Variants in TTYH2 observed in about 807,000 individuals in gnomAD.
TTYH2 encodes protein tweety homolog 2.
A neutral mutation model predicts 68.3 loss-of-function variants in TTYH2; 49 were observed. The ratio of observed to expected loss-of-function variants is 0.72; its 90% confidence interval spans 0.57 to 0.91. The LOEUF (loss-of-function observed/expected upper bound fraction) is 0.91, where lower values mean the gene tolerates loss of function less well. TTYH2 is among the 40% of genes least tolerant of loss of function. The probability of loss-of-function intolerance (pLI) is 0.00; values close to 1 mark genes in which losing one functional copy is unlikely to be tolerated. For synonymous variants in TTYH2, 272 were observed against 300.8 expected (o/e 0.90, Z 0.99); for missense variants, 631 against 700.4 (o/e 0.90, Z 1.12).
chr17:74,227,540 T>A (rs550777534), intron 2 of TTYH2, among the ~76,000 whole-genome samples: 1 of 152,212 alleles, frequency 6.6e-6, no homozygotes, highest in Non-Finnish European at 1.5e-5. Flanking sequence ...ATTTAATGTA[T>A]AAATATCTCA....
chr17:74,225,545 A>G (rs562411200), intron 2 of TTYH2, among the ~76,000 whole-genome samples: 2 of 152,298 alleles, frequency 1.3e-5, no homozygotes, highest in African/African-American at 4.8e-5. Context: ...AGAAGTGGCC[A>G]CCGGGTGACC....
intron 10 of TTYH2, among the ~76,000 whole-genome samples, chr17:74,251,649 G>T (rs562910176): frequency 7.2e-6 from 1 of 139,606 alleles, no homozygotes; most frequent in South Asian, 2.3e-4. Context: ...AGCAGACAGT[G>T]GCCTCTTCCC....
At chr17:74,233,033 A>G (rs2050405988) in intron 3 of TTYH2, among the ~76,000 whole-genome samples, 1 of 152,168 alleles carries the variant, frequency 6.6e-6, no homozygotes, top group South Asian at 2.1e-4. Context: ...GTGTTCCCAA[A>G]GAGAAGGGTT....
intron 2 of TTYH2, among the ~76,000 whole-genome samples, chr17:74,225,682 AGCCT>A (rs2050322590): frequency 6.6e-6 from 1 of 152,296 alleles, no homozygotes; most frequent in East Asian, 1.9e-4. Context: ...GGAGCCACAC[AGCCT>A]GCCTATCAGC....
chr17:74,253,741 T>A lies in TTYH2; in HGVS notation c.1446-14T>A, dbSNP rs760290203. 6.2e-7 allele frequency: 1 copy of A among 1,613,876 alleles called. No individual in the cohort carries two copies. Among genetic ancestry groups the A allele is most frequent in the Non-Finnish European group, 8.5e-7 (1 of 1,179,930 alleles). ...CACACCATCCCCTCCTGAGCTCTCC[T>A]CTCATCCCCGCAGGAACCAAGCCAT... On this transcript the variant is annotated splice_polypyrimidine_tract_variant and intron_variant, in intron 12 of 13. Transcript: ENST00000269346.
At chr17:74,250,529 G>T in intron 10 of TTYH2, 172 bp downstream of exon 10, 1 of 610,094 alleles carries the variant, frequency 1.6e-6, no homozygotes, top group African/African-American at 1.9e-5. Flanking sequence ...GCTTCTCCAG[G>T]GGCTGAGACA....
chr17:74,257,969 C>T (rs946329141), intron 13 of TTYH2, among the ~76,000 whole-genome samples: 2 of 152,034 alleles, frequency 1.3e-5, no homozygotes, highest in African/African-American at 4.8e-5. Flanking sequence ...GCCTGGTCAA[C>T]ATGGTGAAAC....
chr17:74,219,688 G>A (rs2050257280), intron 1 of TTYH2, among the ~76,000 whole-genome samples: 1 of 152,112 alleles, frequency 6.6e-6, no homozygotes, highest in Non-Finnish European at 1.5e-5. Flanking sequence ...TCCATGTCTG[G>A]CTTTCTCTCT....
At chr17:74,219,149 G>A (rs1023310382) in intron 1 of TTYH2, among the ~76,000 whole-genome samples, 2 of 151,536 alleles carry the variant, frequency 1.3e-5, no homozygotes, top group East Asian at 1.9e-4. Context: ...CCTGGGAGGC[G>A]GAGGTTATAG....
In TTYH2 at chr17:74,252,109, G is replaced by A. The variant is rs183798687; in HGVS notation, c.1117-125G>A. Reference sequence around the variant, plus strand: ...CCTTTAATGGTGCTGCAAGGCGCTCGGGATGGGGAGCAGCCAGGAGACCCC... The same window carrying A: ...CCTTTAATGGTGCTGCAAGGCGCTCAGGATGGGGAGCAGCCAGGAGACCCC... On this transcript the variant is annotated intron_variant, in intron 10 of 13. Transcript: ENST00000269346. The A allele has an allele frequency of 3.7e-4, 475 of 1,275,674 alleles. 2 individuals are homozygous for A. The East Asian group carries it at 9.7e-3, about 26-fold the overall frequency. 79.0% of individuals were successfully genotyped at this position (1,275,674 alleles called of 1,614,324 possible). A position where few individuals can be genotyped will look rare whatever the true frequency, so the allele number is the denominator to read the frequency against.
chr17:74,252,077 G>T, intron 10 of TTYH2, 157 bp from the exon 11 acceptor site: 4 of 855,280 alleles, frequency 4.7e-6, no homozygotes, highest in Non-Finnish European at 7.4e-6. Flanking sequence ...AGGCTCCAGA[G>T]TGTGGACCTT....
At chr17:74,218,912 G>T (rs577590860) in intron 1 of TTYH2, among the ~76,000 whole-genome samples, 1 of 152,300 alleles carries the variant, frequency 6.6e-6, no homozygotes, top group African/African-American at 2.4e-5. Context: ...GTTTGTCTGG[G>T]GCTCCCTTAC....
rs2050194140 is a variant in TTYH2, at chr17:74,213,717, G to A, written c.129+1G>A. On this transcript the variant is annotated splice_donor_variant, in intron 1 of 13. Transcript: ENST00000269346. LOFTEE classifies it high-confidence loss of function. This position sits in a 1 kb window ranked among gnomAD's most constrained non-coding sequence, Gnocchi z 6.1. ...CCCCGGCGACGAGAGTTACCAGGAG[G>A]TAAGTTTACGCCGCCCCAGACCGCA... 3 of 1,611,026 alleles carry A rather than the reference G, an allele frequency of 1.9e-6. No homozygotes were observed. Among genetic ancestry groups the A allele is most frequent in the Non-Finnish European group, 2.5e-6 (3 of 1,178,730 alleles).
chr17:74,214,367 C>T lies in TTYH2; in HGVS notation c.129+651C>T, dbSNP rs1232887825. On this transcript the variant is annotated intron_variant, in intron 1 of 13. Coordinates refer to ENST00000269346, the MANE Select transcript of TTYH2 (RefSeq NM_032646.6). The surrounding 1 kb of genome is among the most constrained non-coding windows in gnomAD (Gnocchi z 4.6). Reference sequence around the variant, plus strand: ...AGGGAAGGAAGGTGGCCTCCGTCAGCCCATCTCACACTGTTGTCCTGAGGA... The same window carrying T: ...AGGGAAGGAAGGTGGCCTCCGTCAGTCCATCTCACACTGTTGTCCTGAGGA... 6.6e-6 allele frequency among the ~76,000 whole-genome samples: 1 copy of T among 152,070 alleles called. No homozygotes were observed. The highest frequency in any genetic ancestry group is 1.5e-5 in the Non-Finnish European group (1 of 68,000).
chr17:74,252,228 C>T lies in TTYH2; in HGVS notation c.1117-6C>T, dbSNP rs1481938343. On this transcript the variant is annotated splice_polypyrimidine_tract_variant and splice_region_variant and intron_variant, in intron 10 of 13. Coordinates refer to ENST00000269346, the MANE Select transcript of TTYH2 (RefSeq NM_032646.6). ...CACTAGCTGCATGTCCCTCCTCTTC[C>T]TCCAGGATTATCTGGACGCTCTTGC... The T allele has an allele frequency of 6.2e-7, 1 of 1,612,204 alleles. No individual in the cohort carries two copies. The highest frequency in any genetic ancestry group is 2.2e-5 in the East Asian group (1 of 44,878).
At chr17:74,238,882 AAT>A (rs2050471233) in intron 4 of TTYH2, among the ~76,000 whole-genome samples, 3 of 151,594 alleles carry the variant, frequency 2.0e-5, no homozygotes, top group South Asian at 4.2e-4. Flanking sequence ...AAAAAAAAAA[AAT>A]TTTTTTTTAG....
At chr17:74,248,547 C>G (rs1009069969) in intron 6 of TTYH2, 1 of 999,384 alleles carries the variant, frequency 1.0e-6, no homozygotes, top group Non-Finnish European at 1.2e-6. Flanking sequence ...ATAGATTGAA[C>G]ACCCGTCCCT....
rs2050744214 is a variant in TTYH2, at chr17:74,260,905, C to G, written c.*696C>G. The G allele has an allele frequency of 6.5e-6, 1 of 153,204 alleles. No homozygotes were observed. The highest frequency in any genetic ancestry group is 1.5e-5 in the Non-Finnish European group (1 of 68,452). 9.5% of individuals were successfully genotyped at this position (153,204 alleles called of 1,614,324 possible). On this transcript the variant is annotated 3_prime_UTR_variant, in exon 14 of 14. Transcript: ENST00000269346. ...AAAGCCTGCCACATTCCGCCTGTCT[C>G]CCTAACCCTCCATTGCCTCGCCTCT... is the stretch of plus-strand genomic sequence containing the variant.
At chr17:74,235,231 C>T (rs971031604) in intron 3 of TTYH2, among the ~76,000 whole-genome samples, 12 of 152,210 alleles carry the variant, frequency 7.9e-5, no homozygotes, top group Non-Finnish European at 1.5e-4. Context: ...ACACAGAGAA[C>T]ACCGTTGGCC....
Sources: gnomAD v4.1 joint callset for allele counts (sites outside exome capture counted in the v4.1 genomes callset) on GRCh38, gnomAD v4.1.1 for gene constraint, Gnocchi (gnomAD v3.1) non-coding constraint, MANE v1.5 for transcripts, NCBI Gene and HGNC (gene_info 2026-07-23, HGNC 2026-07-21) for gene names.